Variants in IL17REL observed in about 807,000 individuals in gnomAD.
IL17REL encodes interleukin-17 receptor E-like protein.
In IL17REL, 36 loss-of-function variants were observed where a neutral mutation model predicts 49.0. The ratio of observed to expected loss-of-function variants is 0.73; its 90% CI spans 0.56 to 0.97. The LOEUF is 0.97. Ranked by LOEUF, IL17REL falls within the 50% of genes least tolerant of loss-of-function variation. The probability of loss-of-function intolerance (pLI) is 0.00; values close to 1 mark genes in which losing one functional copy is unlikely to be tolerated. For missense variants in IL17REL, 470 were observed against 453.9 expected, an observed-to-expected ratio of 1.04 and a Z score of -0.32; for synonymous variants, 206 against 192.4, an observed-to-expected ratio of 1.07 and a Z score of -0.58.
At chr22:50,010,345 CTG>C (rs2061132668), upstream of IL17REL, among the ~76,000 whole-genome samples, 1 of 152,238 alleles carries the variant, frequency 6.6e-6, no homozygotes, top group Non-Finnish European at 1.5e-5. Context: ...GGGGCAGCCT[CTG>C]GGGAACGGGA....
At chr22:50,005,760 G>A (rs1445974970) in intron 1 of IL17REL, among the ~76,000 whole-genome samples, 2 of 151,866 alleles carry the variant, frequency 1.3e-5, no homozygotes, top group Admixed American at 6.6e-5. Flanking sequence ...AGCCGAGATT[G>A]CGCCACTGTA....
exon 11 of IL17REL, chr22:49,997,376 A>C: frequency 6.2e-7 from 1 of 1,613,796 alleles, no homozygotes; most frequent in Non-Finnish European, 8.5e-7. Context: ...GGGAGCTGTG[A>C]CTTCCTCCTG....
intron 7 of IL17REL, among the ~76,000 whole-genome samples, chr22:49,998,850 T>C (rs2061055137): frequency 6.6e-6 from 1 of 151,970 alleles, no homozygotes; most frequent in Admixed American, 6.5e-5. Context: ...TGTGTGTGCA[T>C]GTGTATGGGC....
intron 1 of IL17REL, among the ~76,000 whole-genome samples, chr22:50,003,519 CAAAAAAAA>C (rs142337526): frequency 5.1e-5 from 2 of 39,080 alleles, no homozygotes; most frequent in Non-Finnish European, 9.3e-5. Context: ...GACTCCATCT[CAAAAAAAA>C]AAAAAAAAAA....
At chr22:49,999,896 T>A in exon 5 of IL17REL, 1 of 1,541,858 alleles carries the variant, frequency 6.5e-7, no homozygotes, top group Non-Finnish European at 8.7e-7. Context: ...TAGTCGGGGC[T>A]CCCGGAGGCC....
chr22:50,000,765 C>G lies in IL17REL; in HGVS notation c.208G>C (p.Gly70Arg), dbSNP rs9617090. 118 of 1,589,222 alleles carry G rather than the reference C, an allele frequency of 7.4e-5. No individual in the cohort carries two copies. In the Admixed American group the frequency reaches 1.7e-3, roughly 22 times the overall value. Residue 70 changes from glycine (G) to arginine (R), a missense_variant, in exon 3 of 13, where the codon GGG (glycine) becomes CGG (arginine). Coordinates refer to ENST00000341280, the Ensembl canonical transcript of IL17REL. ...TGCCTTGGCCTCACCTGCTGCCCCCCCTGCTGCCGGTGGGAGGCCCTGGCC... is the reference window on the plus strand; with the variant it reads ...TGCCTTGGCCTCACCTGCTGCCCCCGCTGCTGCCGGTGGGAGGCCCTGGCC...
At chr22:49,999,063 A>C (rs557425200) in intron 7 of IL17REL, among the ~76,000 whole-genome samples, 1 of 152,046 alleles carries the variant, frequency 6.6e-6, no homozygotes, top group African/African-American at 2.4e-5. Flanking sequence ...TGGTTTTCCC[A>C]GGTGAGCTGG....
At chr22:50,011,850 TGACC>T (rs1221847834), upstream of IL17REL, among the ~76,000 whole-genome samples, 1 of 152,144 alleles carries the variant, frequency 6.6e-6, no homozygotes, top group African/African-American at 2.4e-5. Context: ...TCCCCTGAGG[TGACC>T]AGGCCACCAC....
chr22:50,005,133 T>A (rs538347215), intron 1 of IL17REL, among the ~76,000 whole-genome samples: 7 of 152,102 alleles, frequency 4.6e-5, no homozygotes, highest in Admixed American at 4.6e-4. Flanking sequence ...TTGTCCCAAC[T>A]AAGCTGACAA....
chr22:50,004,971 A>G (rs898382626), intron 1 of IL17REL, among the ~76,000 whole-genome samples: 7 of 116,236 alleles, frequency 6.0e-5, no homozygotes, highest in African/African-American at 8.5e-5. Flanking sequence ...ACCAGAAAGT[A>G]AAAAAAAAAA....
At chr22:50,002,213 C>A (rs1013523474) in intron 1 of IL17REL, among the ~76,000 whole-genome samples, 1 of 152,352 alleles carries the variant, frequency 6.6e-6, no homozygotes, top group South Asian at 2.1e-4. Context: ...TTACCAAATT[C>A]TTTTAGCTTT....
chr22:50,006,338 C>T (rs1035836737), intron 1 of IL17REL, among the ~76,000 whole-genome samples: 4 of 152,080 alleles, frequency 2.6e-5, no homozygotes, highest in African/African-American at 4.8e-5. Flanking sequence ...CTGGTTTAAA[C>T]GGCCCCGACA....
intron 10 of IL17REL, 22 bp from the exon 13 acceptor site, chr22:49,997,505 A>ACC: frequency 7.1e-7 from 1 of 1,417,366 alleles, no homozygotes; most frequent in Non-Finnish European, 9.8e-7. Context: ...GAAGGGTGAG[A>ACC]CCCCCATCCG....
At chr22:49,999,478 C>G (rs1350106055) in exon 6 of IL17REL, 6 of 1,609,686 alleles carry the variant, frequency 3.7e-6, no homozygotes, top group Non-Finnish European at 5.1e-6. Context: ...AGGAAGACGG[C>G]CTGGGAGACG....
chr22:49,997,046 G>A, exon 12 of IL17REL: 3 of 1,563,310 alleles, frequency 1.9e-6, no homozygotes, highest in Non-Finnish European at 2.6e-6. Flanking sequence ...GTCTAGGAAG[G>A]CAAAAGCAGG....
At chr22:49,993,479 G>T (rs6010250), downstream of IL17REL, among the ~76,000 whole-genome samples, 1 of 152,138 alleles carries the variant, frequency 6.6e-6, no homozygotes, top group African/African-American at 2.4e-5. This position sits in a 1 kb window ranked among gnomAD's most constrained non-coding sequence, Gnocchi z 6.0. Flanking sequence ...GCACTGGGCT[G>T]TGGGCGCTCC....
At chr22:50,005,614 C>A (rs137854) in intron 1 of IL17REL, among the ~76,000 whole-genome samples, 1 of 151,362 alleles carries the variant, frequency 6.6e-6, no homozygotes, top group African/African-American at 2.4e-5. Context: ...CCAGCCTGGC[C>A]AACATGGTGA....
intron 1 of IL17REL, among the ~76,000 whole-genome samples, chr22:50,001,602 C>T (rs757325324): frequency 2.0e-4 from 31 of 152,232 alleles, no homozygotes; most frequent in Non-Finnish European, 3.2e-4. Flanking sequence ...AAGGCCAACA[C>T]GGGCTTGCTG....
intron 10 of IL17REL, 66 bp from the exon 13 acceptor site, chr22:49,997,549 G>C (rs756113004): frequency 6.9e-5 from 92 of 1,339,356 alleles, no homozygotes; most frequent in Non-Finnish European, 8.8e-5. Context: ...TCCTTCCCCA[G>C]TGGGCCTGGC....
Sources: allele counts gnomAD v4.1 joint callset (sites outside exome capture counted in the v4.1 genomes callset), GRCh38; gene constraint gnomAD v4.1.1; non-coding constraint Gnocchi (gnomAD v3.1); transcripts MANE v1.5; gene names NCBI Gene and HGNC (gene_info 2026-07-23, HGNC 2026-07-21).